Variants in RAB27B observed in about 807,000 individuals in gnomAD.
RAB27B encodes ras-related protein Rab-27B.
RAB27B carries 15 observed loss-of-function variants against 24.6 expected under a neutral mutation model. The observed-to-expected ratio is 0.61, with a 90% CI of 0.41 to 0.94. The LOEUF is 0.94. RAB27B is among the 40% of genes least tolerant of loss of function. RAB27B has a pLI of 0.00. For missense variants in RAB27B, 261 were observed against 266.8 expected, an observed-to-expected ratio of 0.98 and a Z score of 0.15; for synonymous variants, 105 against 92.5, an observed-to-expected ratio of 1.14 and a Z score of -0.78.
chr18:54,825,187 A>AT (rs1292146231), upstream of RAB27B, among the ~76,000 whole-genome samples: 2 of 151,902 alleles, frequency 1.3e-5, no homozygotes, highest in Admixed American at 6.6e-5. Flanking sequence ...ATCCAATGCA[A>AT]TTTTTTTTCC....
chr18:54,877,747 T>A lies in RAB27B; in HGVS notation c.153+9T>A, dbSNP rs778177656. 6 of 1,573,810 alleles carry A rather than the reference T, an allele frequency of 3.8e-6. No homozygotes were observed. The African/African-American group carries it at 8.3e-5, about 22-fold the overall frequency. On this transcript the variant is annotated intron_variant, in intron 2 of 5. Coordinates refer to ENST00000262094, the MANE Select transcript of RAB27B (RefSeq NM_004163.4). Reference sequence around the variant, plus strand: ...TTCGGGAAAAACGTGTGGTGAGTTTTTAATCGTACTTCTAACCTTGTCACT... The same window carrying A: ...TTCGGGAAAAACGTGTGGTGAGTTTATAATCGTACTTCTAACCTTGTCACT...
intron 2 of RAB27B, among the ~76,000 whole-genome samples, chr18:54,760,017 A>G (rs539968440): frequency 8.4e-4 from 128 of 152,302 alleles, no homozygotes; most frequent in African/African-American, 3.0e-3. Context: ...AGGACTGTCA[A>G]ACCGAGCTGT....
chr18:54,774,653 A>T (rs543204607), intron 2 of RAB27B, among the ~76,000 whole-genome samples: 1 of 152,302 alleles, frequency 6.6e-6, no homozygotes, highest in Admixed American at 6.5e-5. Flanking sequence ...CATTCCTTTT[A>T]ATTCCCTTTA....
chr18:54,843,358 CTCT>C (rs879429124), intron 1 of RAB27B, among the ~76,000 whole-genome samples: 10 of 23,862 alleles, frequency 4.2e-4, no homozygotes, highest in Non-Finnish European at 3.4e-3. Flanking sequence ...TTCAATAAAA[CTCT>C]TTTTTTTTTT....
At chr18:54,817,810 C>T (rs1040686559) in intron 2 of RAB27B, among the ~76,000 whole-genome samples, 3 of 151,670 alleles carry the variant, frequency 2.0e-5, no homozygotes, top group African/African-American at 4.8e-5. Context: ...GAATCCTTAA[C>T]GGTGACACTA....
At chr18:54,786,444 T>C (rs546685610) in intron 2 of RAB27B, among the ~76,000 whole-genome samples, 1 of 152,332 alleles carries the variant, frequency 6.6e-6, no homozygotes, top group East Asian at 1.9e-4. Context: ...AATGTGCCAC[T>C]TTGGTTAATA....
intron 2 of RAB27B, among the ~76,000 whole-genome samples, chr18:54,815,868 C>T (rs1472299908): frequency 6.6e-6 from 1 of 152,122 alleles, no homozygotes; most frequent in Non-Finnish European, 1.5e-5. Context: ...AAGTGATCCA[C>T]CCACCTCGGC....
intron 2 of RAB27B, among the ~76,000 whole-genome samples, chr18:54,794,430 T>A (rs1598909093): frequency 6.6e-6 from 1 of 152,236 alleles, no homozygotes; most frequent in Non-Finnish European, 1.5e-5. Flanking sequence ...GTATTAAAGG[T>A]GTGCCTTTTG....
At chr18:54,728,490 T>C (rs1909613169) in intron 2 of RAB27B, among the ~76,000 whole-genome samples, 1 of 152,080 alleles carries the variant, frequency 6.6e-6, no homozygotes, top group Non-Finnish European at 1.5e-5. Context: ...ACTGGGAAAA[T>C]TATCAAGTGA....
intron 1 of RAB27B, among the ~76,000 whole-genome samples, chr18:54,845,350 T>C (rs1911288297): frequency 7.1e-6 from 1 of 141,068 alleles, no homozygotes; most frequent in African/African-American, 2.7e-5. Flanking sequence ...GAGGTTGTAG[T>C]GAGCCAAGAT....
intron 1 of RAB27B, among the ~76,000 whole-genome samples, chr18:54,855,514 A>G (rs1433274891): frequency 6.6e-6 from 1 of 152,208 alleles, no homozygotes; most frequent in Non-Finnish European, 1.5e-5. Flanking sequence ...AGAAGTAAGC[A>G]TTTGAGCCAA....
At chr18:54,845,068 A>G (rs1056678246) in intron 1 of RAB27B, among the ~76,000 whole-genome samples, 4 of 152,184 alleles carry the variant, frequency 2.6e-5, no homozygotes, top group African/African-American at 7.2e-5. Flanking sequence ...TAGCATCACA[A>G]TGCCCACTCA....
intron 4 of RAB27B, 21 bp from the exon 5 acceptor site, chr18:54,887,974 T>C (rs1301161844): frequency 6.2e-7 from 1 of 1,605,182 alleles, no homozygotes; most frequent in Non-Finnish European, 8.5e-7. Context: ...ACTTGCTGGT[T>C]CCATCTGCTT....
intron 2 of RAB27B, among the ~76,000 whole-genome samples, chr18:54,753,093 G>T (rs1481263907): frequency 2.0e-5 from 3 of 152,084 alleles, no homozygotes; most frequent in Non-Finnish European, 2.9e-5. Context: ...GATTTGAGGT[G>T]CCTGTGTCAC....
intron 2 of RAB27B, among the ~76,000 whole-genome samples, chr18:54,732,470 C>T (rs571881279): frequency 2.6e-5 from 4 of 152,178 alleles, no homozygotes; most frequent in South Asian, 4.2e-4. Flanking sequence ...GTGCAGAGTC[C>T]GGTGTCACAA....
At chr18:54,750,488 T>C (rs1161638235) in intron 2 of RAB27B, among the ~76,000 whole-genome samples, 1 of 152,206 alleles carries the variant, frequency 6.6e-6, no homozygotes, top group African/African-American at 2.4e-5. Flanking sequence ...GTTAGTCAAT[T>C]TGGCTAACAC....
At chr18:54,749,024 C>T (rs1172201644) in intron 2 of RAB27B, among the ~76,000 whole-genome samples, 1 of 152,068 alleles carries the variant, frequency 6.6e-6, no homozygotes. Context: ...AGGTAAAGTT[C>T]CCCAGGTAAC....
chr18:54,863,759 C>A (rs1912100179), intron 1 of RAB27B, among the ~76,000 whole-genome samples: 1 of 152,166 alleles, frequency 6.6e-6, no homozygotes, highest in South Asian at 2.1e-4. Context: ...TAAGTAGAAT[C>A]ATAAAAAATT....
At chr18:54,720,105 A>G in intron 2 of RAB27B, among the ~76,000 whole-genome samples, 1 of 152,134 alleles carries the variant, frequency 6.6e-6, no homozygotes. Context: ...GCTTGACCTA[A>G]TCAAATGAAG....
Sources: allele counts gnomAD v4.1 joint callset (sites outside exome capture counted in the v4.1 genomes callset), GRCh38; gene constraint gnomAD v4.1.1; transcripts MANE v1.5; gene names NCBI Gene and HGNC (gene_info 2026-07-23, HGNC 2026-07-21).